Variants in DNAJC16 observed in about 807,000 individuals in gnomAD.
DNAJC16 encodes DnaJ heat shock protein family (Hsp40) member C16, also known as dnaJ homolog subfamily C member 16.
Under a neutral mutation model 92.7 loss-of-function variants are expected in DNAJC16, and 76 were observed. The observed-to-expected ratio is 0.82, with a 90% CI of 0.68 to 0.99. DNAJC16 has a LOEUF of 0.99. Ranked by LOEUF, DNAJC16 falls within the 50% of genes least tolerant of loss-of-function variation. DNAJC16 has a pLI of 0.00. For synonymous variants in DNAJC16, 328 were observed against 358.7 expected (o/e 0.91, Z 0.97); for missense variants, 869 against 942.4 (o/e 0.92, Z 1.02).
intron 1 of DNAJC16, 64 bp from the exon 2 acceptor site, chr1:15,529,024 A>AC (rs746687644): frequency 1.2e-5 from 18 of 1,452,786 alleles, no homozygotes; most frequent in Non-Finnish European, 1.7e-5. Flanking sequence ...TTATACCTTT[A>AC]CCTAAAAAGC....
chr1:15,532,175 A>G (rs936775696), intron 2 of DNAJC16, among the ~76,000 whole-genome samples: 2 of 152,236 alleles, frequency 1.3e-5, no homozygotes, highest in Non-Finnish European at 2.9e-5. Context: ...TGGTTATGCA[A>G]TAAACTAACA....
At chr1:15,528,655 T>A (rs1710579321) in intron 1 of DNAJC16, among the ~76,000 whole-genome samples, 1 of 152,240 alleles carries the variant, frequency 6.6e-6, no homozygotes, top group Admixed American at 6.5e-5. Flanking sequence ...TCTTACAGTT[T>A]CATGAGTTTG....
At chr1:15,535,954 A>G (rs116256773) in intron 3 of DNAJC16, among the ~76,000 whole-genome samples, 1,726 of 150,866 alleles carry the variant, frequency 0.011, 39 homozygotes, top group African/African-American at 0.039. Context: ...TTTTTGTAGC[A>G]AAGTCATGCT....
At position 15,544,587 on chromosome 1, in the gene DNAJC16, A is replaced by C. The variant is rs761410490; in HGVS notation, c.759+4A>C. 6.2e-7 allele frequency: 1 copy of C among 1,613,912 alleles called. No homozygotes were observed. Among genetic ancestry groups the C allele is most frequent in the South Asian group, 1.1e-5 (1 of 91,058 alleles). On this transcript the variant is annotated splice_donor_region_variant and intron_variant, in intron 5 of 14. Transcript: ENST00000375847. The stretch of plus-strand genomic sequence containing the variant: ...TCCAGGGAACTTGGTGGAGAAAGTA[A>C]GTATCTGTCAAGGAAACTATGGCTG...
chr1:15,567,323 G>C, intron 14 of DNAJC16, 54 bp downstream of exon 14: 13 of 1,545,514 alleles, frequency 8.4e-6, no homozygotes, highest in Non-Finnish European at 1.2e-5. Flanking sequence ...AGAGAGGCAG[G>C]CACACTGAAA....
At chr1:15,554,036 T>C (rs896549006) in intron 7 of DNAJC16, among the ~76,000 whole-genome samples, 1 of 152,064 alleles carries the variant, frequency 6.6e-6, no homozygotes. Context: ...AAACCTTGTC[T>C]CTACAAAAAA....
intron 2 of DNAJC16, among the ~76,000 whole-genome samples, chr1:15,533,680 A>C (rs1024167983): frequency 1.3e-5 from 2 of 152,202 alleles, no homozygotes; most frequent in Non-Finnish European, 2.9e-5. Context: ...TTATCCAGGT[A>C]AAAAGCAATC....
intron 4 of DNAJC16, among the ~76,000 whole-genome samples, chr1:15,537,613 G>C (rs1710823212): frequency 6.6e-6 from 1 of 152,080 alleles, no homozygotes; most frequent in South Asian, 2.1e-4. Context: ...TCCAATTACT[G>C]TATTAGACAC....
At chr1:15,529,309 T>C in intron 2 of DNAJC16, 37 bp downstream of exon 2, 1 of 1,586,056 alleles carries the variant, frequency 6.3e-7, no homozygotes, top group Non-Finnish European at 8.6e-7. Flanking sequence ...TAACATAAGC[T>C]AAACAGTCTT....
At chr1:15,557,491 A>G (rs995651593) in intron 7 of DNAJC16, among the ~76,000 whole-genome samples, 2 of 151,978 alleles carry the variant, frequency 1.3e-5, no homozygotes, top group Non-Finnish European at 2.9e-5. Flanking sequence ...TTATATTAAT[A>G]TATTCATTTC....
intron 6 of DNAJC16, among the ~76,000 whole-genome samples, chr1:15,547,357 A>C (rs1373994359): frequency 6.6e-6 from 1 of 151,684 alleles, no homozygotes; most frequent in African/African-American, 2.4e-5. Flanking sequence ...CATGTTGGCC[A>C]GGCTGCTCTC....
chr1:15,536,895 G>A, intron 4 of DNAJC16, 81 bp downstream of exon 4: 1 of 1,276,408 alleles, frequency 7.8e-7, no homozygotes. Context: ...CTGTTGCCCA[G>A]GCTGGAGTAC....
At position 15,536,798 on chromosome 1, in the gene DNAJC16, A is replaced by G. The variant is rs934036354; in HGVS notation, c.558A>G (p.Gln186=). The G allele has an allele frequency of 6.3e-7, 1 of 1,599,000 alleles. No individual in the cohort carries two copies. The highest frequency in any genetic ancestry group is 8.5e-7 in the Non-Finnish European group (1 of 1,174,866). The change falls in exon 4 of 15, where the codon CAA becomes CAG. Residue 186 remains glutamine (Q), a synonymous_variant. Coordinates refer to ENST00000375847, the MANE Select transcript of DNAJC16 (RefSeq NM_015291.4). ...HIEPVWKEVI[Q]ELEELGVGIG... is the part of the protein sequence containing the mutation. ...AGCCTGTGTGGAAAGAAGTCATTCA[A>G]GAACTGGAAGAATTGGGTAAGATAA... is the stretch of plus-strand genomic sequence containing the variant.
intron 7 of DNAJC16, among the ~76,000 whole-genome samples, chr1:15,558,082 G>A (rs1452663965): frequency 6.6e-6 from 1 of 151,604 alleles, no homozygotes; most frequent in Non-Finnish European, 1.5e-5. Context: ...TGTTGCACAG[G>A]CTGGTCTTGA....
chr1:15,564,533 TTTTA>T (rs1638766397), intron 11 of DNAJC16, among the ~76,000 whole-genome samples, 174 bp downstream of exon 11: 1 of 148,112 alleles, frequency 6.8e-6, no homozygotes, highest in African/African-American at 2.6e-5. Flanking sequence ...CTTCCCTTTT[TTTTA>T]TTTTTTACTT....
At chr1:15,534,099 C>G (rs1305440040) in intron 2 of DNAJC16, 138 bp from the exon 3 acceptor site, 20 of 764,346 alleles carry the variant, frequency 2.6e-5, no homozygotes, top group Middle Eastern at 6.4e-4. Flanking sequence ...CTGATTGCCT[C>G]TATCATTTAT....
intron 8 of DNAJC16, 33 bp from the exon 9 acceptor site, chr1:15,562,109 T>G: frequency 6.3e-7 from 1 of 1,593,332 alleles, no homozygotes; most frequent in Non-Finnish European, 8.6e-7. Context: ...CCATCAGGGA[T>G]TGGTTATAAA....
chr1:15,533,352 C>A (rs932279513), intron 2 of DNAJC16, among the ~76,000 whole-genome samples: 1 of 152,112 alleles, frequency 6.6e-6, no homozygotes, highest in Non-Finnish European at 1.5e-5. Context: ...TGAGGCCGGG[C>A]GTGGTGGCTC....
At chr1:15,533,844 T>C (rs1373455380) in intron 2 of DNAJC16, among the ~76,000 whole-genome samples, 2 of 152,214 alleles carry the variant, frequency 1.3e-5, no homozygotes, top group Non-Finnish European at 2.9e-5. Flanking sequence ...CATCCTGATA[T>C]CATTCTAGCA....
Sources: gnomAD v4.1 joint callset for allele counts (sites outside exome capture counted in the v4.1 genomes callset) on GRCh38, gnomAD v4.1.1 for gene constraint, MANE v1.5 for transcripts, NCBI Gene and HGNC (gene_info 2026-07-23, HGNC 2026-07-21) for gene names.